CPQ: variants seen among roughly 807,000 people sequenced by gnomAD.
CPQ encodes Ser-Met dipeptidase.
CPQ carries 37 observed loss-of-function variants against 45.7 expected under a neutral mutation model. That is an observed-to-expected ratio of 0.81 (90% CI 0.62 to 1.07). The LOEUF (loss-of-function observed/expected upper bound fraction) is 1.07, where lower values mean the gene tolerates loss of function less well. Among genes scored for constraint, CPQ ranks in the 50% least tolerant of loss-of-function variants. CPQ has a pLI of 0.00. For missense variants in CPQ, 537 were observed against 572.9 expected (o/e 0.94, Z 0.64); for synonymous variants, 186 against 205.8 (o/e 0.90, Z 0.82).
intron 3 of CPQ, among the ~76,000 whole-genome samples, chr8:96,853,990 A>G (rs1419069886): frequency 6.6e-6 from 1 of 152,150 alleles, no homozygotes; most frequent in Non-Finnish European, 1.5e-5. Flanking sequence ...AGTATATTGT[A>G]TTGCTGCTCT....
At chr8:96,673,992 G>C (rs1049278449) in intron 1 of CPQ, among the ~76,000 whole-genome samples, 1 of 152,136 alleles carries the variant, frequency 6.6e-6, no homozygotes, top group African/African-American at 2.4e-5. Context: ...GAGGAGGGGG[G>C]ATACTGTCTT....
At chr8:96,735,975 G>A (rs998776556) in intron 1 of CPQ, among the ~76,000 whole-genome samples, 1 of 151,742 alleles carries the variant, frequency 6.6e-6, no homozygotes, top group Non-Finnish European at 1.5e-5. Context: ...CCATTTTTGG[G>A]TCACACCGAG....
At chr8:96,719,771 A>T (rs533383315) in intron 1 of CPQ, among the ~76,000 whole-genome samples, 1 of 152,186 alleles carries the variant, frequency 6.6e-6, no homozygotes, top group African/African-American at 2.4e-5. Context: ...AGCATGTCTC[A>T]ATGTTACTCT....
chr8:96,962,657 T>G (rs1813479367), intron 4 of CPQ, among the ~76,000 whole-genome samples: 1 of 152,202 alleles, frequency 6.6e-6, no homozygotes, highest in African/African-American at 2.4e-5. Flanking sequence ...AGTAGCCTTG[T>G]GCATTGGTAT....
At chr8:96,799,332 A>G (rs1810976958) in intron 2 of CPQ, among the ~76,000 whole-genome samples, 1 of 152,240 alleles carries the variant, frequency 6.6e-6, no homozygotes, top group South Asian at 2.1e-4. Context: ...TCTATAGCCA[A>G]TAAGTTCAGT....
At chr8:97,052,531 A>G (rs1810380322) in intron 6 of CPQ, among the ~76,000 whole-genome samples, 1 of 152,114 alleles carries the variant, frequency 6.6e-6, no homozygotes, top group African/African-American at 2.4e-5. Context: ...AAAATATTAT[A>G]TATTTAATAT....
chr8:96,862,032 C>T (rs1012293784), intron 3 of CPQ, among the ~76,000 whole-genome samples: 2 of 151,914 alleles, frequency 1.3e-5, no homozygotes, highest in African/African-American at 4.8e-5. Context: ...ATAAAGGATA[C>T]AGGTGTCATA....
intron 5 of CPQ, among the ~76,000 whole-genome samples, chr8:97,003,149 G>T (rs963063721): frequency 6.6e-6 from 1 of 152,066 alleles, no homozygotes; most frequent in Non-Finnish European, 1.5e-5. Flanking sequence ...GCCTGTGTGT[G>T]TCATTGCATG....
At chr8:97,135,894 G>A (rs891373528) in intron 7 of CPQ, among the ~76,000 whole-genome samples, 2 of 152,214 alleles carry the variant, frequency 1.3e-5, no homozygotes, top group Non-Finnish European at 2.9e-5. Context: ...TGCTTAATTT[G>A]TGTACATGAA....
chr8:97,082,741 C>CT (rs369836336), intron 7 of CPQ, among the ~76,000 whole-genome samples: 6 of 152,268 alleles, frequency 3.9e-5, no homozygotes, highest in Middle Eastern at 3.4e-3. Context: ...TCATACCAAG[C>CT]TCCCAGCAAT....
At chr8:96,720,336 G>GTA (rs1328266078) in intron 1 of CPQ, among the ~76,000 whole-genome samples, 4 of 151,862 alleles carry the variant, frequency 2.6e-5, no homozygotes, top group African/African-American at 9.7e-5. Flanking sequence ...TTTTTTTATT[G>GTA]TATGAGGGAC....
intron 1 of CPQ, among the ~76,000 whole-genome samples, chr8:96,778,851 G>T (rs75424803): frequency 1.0e-3 from 156 of 152,216 alleles, no homozygotes; most frequent in Non-Finnish European, 1.9e-3. Context: ...TGGATCACAA[G>T]GTCAGGAGAT....
intron 5 of CPQ, among the ~76,000 whole-genome samples, chr8:97,025,192 A>G (rs2130462793): frequency 6.6e-6 from 1 of 152,290 alleles, no homozygotes; most frequent in South Asian, 2.1e-4. Flanking sequence ...CTCTCTCAGA[A>G]TTCTTTAAAT....
chr8:96,844,536 C>A (rs1811658356), intron 3 of CPQ, among the ~76,000 whole-genome samples: 1 of 152,208 alleles, frequency 6.6e-6, no homozygotes, highest in Admixed American at 6.5e-5. Context: ...GTTTTCTCAT[C>A]TGTAACATGT....
intron 1 of CPQ, among the ~76,000 whole-genome samples, chr8:96,698,614 G>A (rs888938637): frequency 3.3e-5 from 5 of 152,034 alleles, no homozygotes; most frequent in African/African-American, 1.2e-4. Flanking sequence ...GGGATTAATA[G>A]CCATAATATG....
intron 4 of CPQ, among the ~76,000 whole-genome samples, chr8:96,942,189 T>A (rs567701240): frequency 1.3e-5 from 2 of 152,328 alleles, no homozygotes; most frequent in African/African-American, 2.4e-5. Context: ...TTTAACTTGA[T>A]TTCACAAGTA....
At chr8:96,953,060 A>G (rs1563537308) in intron 4 of CPQ, among the ~76,000 whole-genome samples, 1 of 152,152 alleles carries the variant, frequency 6.6e-6, no homozygotes, top group Non-Finnish European at 1.5e-5. Context: ...TTTTATTAGT[A>G]GTATAATATA....
At chr8:96,716,046 G>A (rs1809669002) in intron 1 of CPQ, among the ~76,000 whole-genome samples, 1 of 152,218 alleles carries the variant, frequency 6.6e-6, no homozygotes, top group Admixed American at 6.5e-5. Flanking sequence ...TTTCTCAAAT[G>A]TTGGCTGTAG....
At chr8:96,943,835 T>C (rs1813153634) in intron 4 of CPQ, among the ~76,000 whole-genome samples, 1 of 152,194 alleles carries the variant, frequency 6.6e-6, no homozygotes, top group Non-Finnish European at 1.5e-5. Context: ...CCAGGACTCT[T>C]ATCGTCACTC....
Sources: allele counts gnomAD v4.1 joint callset (sites outside exome capture counted in the v4.1 genomes callset), GRCh38; gene constraint gnomAD v4.1.1; transcripts MANE v1.5; gene names NCBI Gene and HGNC (gene_info 2026-07-23, HGNC 2026-07-21).